Variants in CEP164 observed in about 807,000 individuals in gnomAD.
CEP164 encodes the protein centrosomal protein 164.
In CEP164, 162 loss-of-function variants were observed where a neutral mutation model predicts 182.7. The observed-to-expected ratio is 0.89, with a 90% confidence interval of 0.78 to 1.01. CEP164 has a LOEUF of 1.01. Among genes scored for constraint, CEP164 ranks in the 50% least tolerant of loss-of-function variants. The pLI is 0.00. For synonymous variants in CEP164, 661 were observed against 690.0 expected (o/e 0.96, Z 0.66); for missense variants, 1,735 against 1,790.4 (o/e 0.97, Z 0.56).
At chr11:117,361,227 G>A (rs1027487529) in intron 5 of CEP164, among the ~76,000 whole-genome samples, 7 of 136,660 alleles carry the variant, frequency 5.1e-5, no homozygotes, top group African/African-American at 1.7e-4. Context: ...GAGCCACTGC[G>A]CCTGGCTTTT....
intron 30 of CEP164, 131 bp downstream of exon 30, chr11:117,410,096 C>A (rs1310629790): frequency 2.3e-6 from 2 of 869,714 alleles, no homozygotes; most frequent in Non-Finnish European, 1.9e-6. Context: ...CACCTCTCCT[C>A]CCCCAACGTT....
At chr11:117,345,931 C>T (rs2038829064) in intron 4 of CEP164, among the ~76,000 whole-genome samples, 1 of 152,190 alleles carries the variant, frequency 6.6e-6, no homozygotes, top group Non-Finnish European at 1.5e-5. Context: ...AGGTTGTCCA[C>T]CTGCCTCGGC....
chr11:117,409,795 C>T lies in CEP164; in HGVS notation c.3926C>T (p.Thr1309Ile). The part of the protein sequence containing the change: ...AQLPPRDPKS[T>I]PTPTYYGSLA... ...CTCCCTCCCCGGGACCCTAAGAGCACCCCCACCCCCACCTACTATGGCTCC... is the reference window on the plus strand; with the variant it reads ...CTCCCTCCCCGGGACCCTAAGAGCATCCCCACCCCCACCTACTATGGCTCC... The change falls in exon 30 of 33, where the codon ACC (threonine) becomes ATC (isoleucine). Residue 1309 changes from threonine (T) to isoleucine (I), a missense_variant. Transcript: ENST00000278935. The surrounding 1 kb of genome is among the most constrained non-coding windows in gnomAD (Gnocchi z 4.4). The T allele has an allele frequency of 6.2e-7, 1 of 1,610,518 alleles. No individual in the cohort carries two copies.
intron 20 of CEP164, 131 bp downstream of exon 20, chr11:117,393,257 G>A: frequency 7.1e-7 from 1 of 1,407,200 alleles, no homozygotes; most frequent in Non-Finnish European, 9.4e-7. Flanking sequence ...CCTGGCTGTG[G>A]GGCAGAGGAA....
chr11:117,352,515 C>G (rs1183973748), intron 5 of CEP164, among the ~76,000 whole-genome samples: 1 of 152,190 alleles, frequency 6.6e-6, no homozygotes, highest in Admixed American at 6.5e-5. Context: ...TGGGCTTTAT[C>G]TACTCATCTA....
chr11:117,344,396 G>A, intron 4 of CEP164, 119 bp downstream of exon 4: 1 of 647,974 alleles, frequency 1.5e-6, no homozygotes. Context: ...GTCAGGGACA[G>A]TACTGTGCCA....
At chr11:117,379,038 T>C (rs1280473541) in intron 11 of CEP164, among the ~76,000 whole-genome samples, 1 of 152,102 alleles carries the variant, frequency 6.6e-6, no homozygotes, top group African/African-American at 2.4e-5. Context: ...GAGGGAGATA[T>C]TTGATGAGCA....
chr11:117,393,254 G>T (rs888135114), intron 20 of CEP164, 128 bp downstream of exon 20: 2 of 1,410,880 alleles, frequency 1.4e-6, no homozygotes, highest in African/African-American at 2.8e-5. Flanking sequence ...CCACCTGGCT[G>T]TGGGGCAGAG....
At chr11:117,339,037 C>T (rs1225066731) in intron 3 of CEP164, among the ~76,000 whole-genome samples, 2 of 152,096 alleles carry the variant, frequency 1.3e-5, no homozygotes, top group Non-Finnish European at 2.9e-5. Flanking sequence ...AAGCTGGTCT[C>T]GAACTCCCGA....
intron 14 of CEP164, chr11:117,384,543 G>T (rs942662157): frequency 6.6e-6 from 1 of 152,248 alleles, no homozygotes; most frequent in Non-Finnish European, 1.5e-5. Flanking sequence ...GGGCAGCCGG[G>T]CTCAGTTGGG....
intron 5 of CEP164, chr11:117,354,913 T>C: frequency 8.0e-7 from 1 of 1,249,088 alleles, no homozygotes; most frequent in African/African-American, 1.6e-5. Flanking sequence ...TTTCTCTGCA[T>C]GTTTATATAC....
rs1461646270 is a variant in CEP164 at position 117,395,690 on chromosome 11, G to C, written c.3057G>C (p.Gln1019His). The C allele has an allele frequency of 1.9e-6, 3 of 1,612,750 alleles. No homozygotes were observed. Among genetic ancestry groups the C allele is most frequent in the Non-Finnish European group, 2.5e-6 (3 of 1,179,900 alleles). The change falls in exon 24 of 33, where the codon CAG (glutamine) becomes CAC (histidine). Residue 1019 changes from glutamine to histidine, a missense_variant. Coordinates refer to ENST00000278935, the MANE Select transcript of CEP164 (RefSeq NM_014956.5). ...LKLESQVDLL[Q>H]AQSQQLQKHF... Reference sequence around the variant, plus strand: ...TGGAGTCCCAAGTGGATCTGCTGCAGGCTCAGAGCCAGCAACTGCAGAAAC... The same window carrying C: ...TGGAGTCCCAAGTGGATCTGCTGCACGCTCAGAGCCAGCAACTGCAGAAAC...
intron 27 of CEP164, among the ~76,000 whole-genome samples, chr11:117,406,325 G>A (rs574363929): frequency 1.1e-4 from 17 of 152,266 alleles, no homozygotes; most frequent in East Asian, 7.7e-4. Flanking sequence ...ATCAGATCTC[G>A]TGAGACTTAT....
chr11:117,395,818 T>G (rs1320180562), intron 24 of CEP164, 96 bp downstream of exon 24: 2 of 1,418,060 alleles, frequency 1.4e-6, no homozygotes, highest in East Asian at 2.3e-5. Flanking sequence ...TAGGGAGAGG[T>G]GGAGTCCCAG....
chr11:117,391,065 G>A lies in CEP164; in HGVS notation c.2133G>A (p.Arg711=), dbSNP rs1256159933. ...EELESQQKAE[R]ASLEQKNRQM... Reference sequence around the variant, plus strand: ...TGGAGTCTCAACAGAAGGCTGAGAGGGCCAGCTTGGAACAGAAAAATAGGC... The same window carrying A: ...TGGAGTCTCAACAGAAGGCTGAGAGAGCCAGCTTGGAACAGAAAAATAGGC... Residue 711 remains arginine (R), a synonymous_variant, in exon 17 of 33, where the codon AGG becomes AGA. Coordinates refer to ENST00000278935, the MANE Select transcript of CEP164 (RefSeq NM_014956.5). The A allele has an allele frequency of 1.6e-5, 26 of 1,614,142 alleles. No homozygotes were observed. The highest frequency in any genetic ancestry group is 2.1e-5 in the Non-Finnish European group (25 of 1,180,030).
intron 14 of CEP164, among the ~76,000 whole-genome samples, chr11:117,384,266 G>C (rs929972886): frequency 6.6e-6 from 1 of 152,212 alleles, no homozygotes; most frequent in African/African-American, 2.4e-5. Flanking sequence ...AGAGCTGGCA[G>C]GGCACGTGAG....
At chr11:117,376,320 CA>C (rs2042738588) in intron 11 of CEP164, among the ~76,000 whole-genome samples, 1 of 152,166 alleles carries the variant, frequency 6.6e-6, no homozygotes, top group Non-Finnish European at 1.5e-5. Context: ...TCCGTTTAGT[CA>C]CTCTTGTTTT....
chr11:117,408,144 A>C (rs747234826), intron 28 of CEP164, 112 bp downstream of exon 28: 4 of 691,776 alleles, frequency 5.8e-6, no homozygotes. Context: ...TCTAGGGCCC[A>C]GGATTGGGCA....
At chr11:117,359,936 G>C (rs1487026021) in intron 5 of CEP164, among the ~76,000 whole-genome samples, 1 of 152,112 alleles carries the variant, frequency 6.6e-6, no homozygotes, top group Non-Finnish European at 1.5e-5. Flanking sequence ...TGTGAGTAGC[G>C]GGAGGTCTCA....
Sources: gnomAD v4.1 joint callset for allele counts (sites outside exome capture counted in the v4.1 genomes callset) on GRCh38, gnomAD v4.1.1 for gene constraint, Gnocchi (gnomAD v3.1) non-coding constraint, MANE v1.5 for transcripts, NCBI Gene and HGNC (gene_info 2026-07-23, HGNC 2026-07-21) for gene names.